GALNT14: variants seen among roughly 807,000 people sequenced by gnomAD.
GALNT14 encodes the protein polypeptide N-acetylgalactosaminyltransferase 14.
Under a neutral mutation model 77.5 loss-of-function variants are expected in GALNT14, and 60 were observed. That is an observed-to-expected ratio of 0.77 (90% CI 0.63 to 0.96). GALNT14 has a LOEUF of 0.96. Ranked by LOEUF, GALNT14 falls within the 40% of genes least tolerant of loss-of-function variation. The probability of loss-of-function intolerance (pLI) is 0.00; values close to 1 mark genes in which losing one functional copy is unlikely to be tolerated. For synonymous variants in GALNT14, 280 were observed against 281.7 expected, an observed-to-expected ratio of 0.99 and a Z score of 0.06; for missense variants, 710 against 731.0, an observed-to-expected ratio of 0.97 and a Z score of 0.33.
intron 13 of GALNT14, among the ~76,000 whole-genome samples, chr2:30,921,298 G>A (rs1014255585): frequency 1.3e-5 from 2 of 152,144 alleles, no homozygotes; most frequent in Admixed American, 6.5e-5. Flanking sequence ...CCAGGGAAAG[G>A]GGGAAGACAA....
At chr2:31,026,148 T>C (rs5009910) in intron 1 of GALNT14, among the ~76,000 whole-genome samples, 59,426 of 152,048 alleles carry the variant, frequency 0.39, 11,839 homozygotes, top group East Asian at 0.56. Flanking sequence ...CTGTGGAATG[T>C]TGGGCACTTT....
chr2:31,104,796 T>C (rs1677471778), intron 1 of GALNT14, among the ~76,000 whole-genome samples: 2 of 152,184 alleles, frequency 1.3e-5, no homozygotes, highest in Non-Finnish European at 2.9e-5. Flanking sequence ...GCCCATCACA[T>C]CCAGGGGCAC....
At chr2:30,919,755 C>A (rs1664921065) in intron 13 of GALNT14, among the ~76,000 whole-genome samples, 1 of 152,100 alleles carries the variant, frequency 6.6e-6, no homozygotes, top group South Asian at 2.1e-4. Context: ...TGGGAGTGAC[C>A]CAGCTTGGAT....
intron 9 of GALNT14, among the ~76,000 whole-genome samples, chr2:30,938,501 C>A (rs974451268): frequency 6.6e-6 from 1 of 152,048 alleles, no homozygotes; most frequent in Admixed American, 6.6e-5. Context: ...ATGTAAATTG[C>A]AGTTTAAGCA....
Position 30,988,607 on chromosome 2 carries a change from C to T in GALNT14, c.299+4231G>A, listed in dbSNP as rs182605571. Among the ~76,000 whole-genome samples the T allele has an allele frequency of 5.9e-4, 89 of 152,098 alleles. No homozygotes were observed. The East Asian group carries it at 0.014, about 25-fold the overall frequency. ...AGGTGGTGGCCTTATTGCAGGGCCT[C>T]TACTCTCGACTCAGACCCTCAGCCT... On this transcript the variant is annotated intron_variant, in intron 2 of 14. Transcript: ENST00000349752.
chr2:30,938,382 A>ACTCTCTCTCT (rs1308784183), intron 9 of GALNT14, among the ~76,000 whole-genome samples: 20 of 143,510 alleles, frequency 1.4e-4, no homozygotes, highest in African/African-American at 5.0e-4. Context: ...ACACACACAC[A>ACTCTCTCTCT]CACTCTCTCT....
At chr2:31,133,583 C>T (rs758533273) in intron 1 of GALNT14, among the ~76,000 whole-genome samples, 1 of 152,136 alleles carries the variant, frequency 6.6e-6, no homozygotes, top group African/African-American at 2.4e-5. Flanking sequence ...CTCAGGCCTA[C>T]AATTCTTTTG....
At chr2:31,118,759 C>T (rs1678240663) in intron 1 of GALNT14, among the ~76,000 whole-genome samples, 1 of 152,018 alleles carries the variant, frequency 6.6e-6, no homozygotes, top group African/African-American at 2.4e-5. Flanking sequence ...ACAAATTTTA[C>T]TTATTTTGAT....
At chr2:30,988,060 A>C (rs995678671) in intron 2 of GALNT14, among the ~76,000 whole-genome samples, 6 of 152,192 alleles carry the variant, frequency 3.9e-5, no homozygotes, top group African/African-American at 1.4e-4. Flanking sequence ...CTGAGGATCG[A>C]AGGGTGAGGA....
chr2:31,027,918 G>GTGTGTGTGTGTGTGTGTGTGTGTGTGCA (rs61690434), intron 1 of GALNT14, among the ~76,000 whole-genome samples: 5 of 151,448 alleles, frequency 3.3e-5, no homozygotes, highest in Non-Finnish European at 7.4e-5. Context: ...GTGTGTGTGT[G>GTGTGTGTGTGTGTGTGTGTGTGTGTGCA]CACGCATGCA....
downstream of GALNT14, among the ~76,000 whole-genome samples, chr2:30,908,171 C>A (rs1664194348): frequency 6.8e-6 from 1 of 146,736 alleles, no homozygotes; most frequent in Non-Finnish European, 1.5e-5. Context: ...TGCCCTCTCT[C>A]ACCACTCCTA....
At chr2:31,027,886 CTGTGTGTGTG>C (rs10562223) in intron 1 of GALNT14, among the ~76,000 whole-genome samples, 2 of 141,776 alleles carry the variant, frequency 1.4e-5, no homozygotes, top group East Asian at 2.2e-4. Context: ...CAGATGTATT[CTGTGTGTGTG>C]TGTGTGTGTG....
chr2:31,069,091 C>T (rs1338192650), intron 1 of GALNT14, among the ~76,000 whole-genome samples: 1 of 152,106 alleles, frequency 6.6e-6, no homozygotes, highest in Non-Finnish European at 1.5e-5. Flanking sequence ...TGTTGTATAA[C>T]CCTGAGAATA....
intron 1 of GALNT14, among the ~76,000 whole-genome samples, chr2:31,004,251 A>G (rs1573136920): frequency 6.6e-6 from 1 of 152,204 alleles, no homozygotes; most frequent in Non-Finnish European, 1.5e-5. Flanking sequence ...GCAGGGAGCC[A>G]GGTATCCACA....
chr2:31,032,071 T>C (rs1467813804), intron 1 of GALNT14, among the ~76,000 whole-genome samples: 1 of 152,178 alleles, frequency 6.6e-6, no homozygotes, highest in Non-Finnish European at 1.5e-5. Context: ...TGGTGGGGTT[T>C]TGAGAGGAAT....
intron 1 of GALNT14, among the ~76,000 whole-genome samples, chr2:31,084,892 G>A (rs974336128): frequency 6.6e-6 from 1 of 152,124 alleles, no homozygotes; most frequent in African/African-American, 2.4e-5. Flanking sequence ...AGGCATGGTG[G>A]CATGCACCTG....
the GALNT14 span, among the ~76,000 whole-genome samples, chr2:30,900,956 A>G: frequency 1.3e-5 from 2 of 152,202 alleles, no homozygotes; most frequent in Non-Finnish European, 2.9e-5. Flanking sequence ...GATGGCATGG[A>G]GCAGGACTAA....
intron 1 of GALNT14, among the ~76,000 whole-genome samples, chr2:31,082,852 T>C (rs1676223481): frequency 6.6e-6 from 1 of 152,110 alleles, no homozygotes; most frequent in Admixed American, 6.5e-5. Context: ...ACCCTGTCTC[T>C]ACTAAATATA....
At position 30,944,911 on chromosome 2, in the gene GALNT14, C is replaced by T; in HGVS notation, c.774G>A (p.Glu258=). 1 of 1,610,898 alleles carries T rather than the reference C, an allele frequency of 6.2e-7. No individual in the cohort carries two copies. The change falls in exon 8 of 15, where the codon GAG becomes GAA. Residue 258 remains glutamate (E), a synonymous_variant. Coordinates refer to ENST00000349752, the MANE Select transcript of GALNT14 (RefSeq NM_024572.4). ...GFDWSLHFQW[E]QLSPEQKARR... ...GAGCCTTCTGCTCTGGGGAGAGCTGCTCCCACTGGAAGTGGAGGCTCCAGT... is the reference window on the plus strand; with the variant it reads ...GAGCCTTCTGCTCTGGGGAGAGCTGTTCCCACTGGAAGTGGAGGCTCCAGT...
Sources: gnomAD v4.1 joint callset for allele counts (sites outside exome capture counted in the v4.1 genomes callset) on GRCh38, gnomAD v4.1.1 for gene constraint, MANE v1.5 for transcripts, NCBI Gene and HGNC (gene_info 2026-07-23, HGNC 2026-07-21) for gene names.